Variants in SV2C observed in about 807,000 individuals in gnomAD.
The protein encoded by SV2C is synaptic vesicle glycoprotein 2C.
In SV2C, 49 loss-of-function variants were observed where a neutral mutation model predicts 79.7. That is an observed-to-expected ratio of 0.61 (90% CI 0.49 to 0.78). The LOEUF is 0.78. Among genes scored for constraint, SV2C ranks in the 30% least tolerant of loss-of-function variants. The pLI is 0.00. For synonymous variants in SV2C, 334 were observed against 333.2 expected, an observed-to-expected ratio of 1.00 and a Z score of -0.03; for missense variants, 833 against 912.9, an observed-to-expected ratio of 0.91 and a Z score of 1.13.
chr5:75,896,982 G>A, the SV2C span, among the ~76,000 whole-genome samples: 2 of 144,536 alleles, frequency 1.4e-5, no homozygotes, highest in East Asian at 1.9e-4. Context: ...TTTGTCAGAT[G>A]AGTAGGTTGC....
chr5:75,917,315 G>A, the SV2C span, among the ~76,000 whole-genome samples: 1 of 152,152 alleles, frequency 6.6e-6, no homozygotes, highest in African/African-American at 2.4e-5. Context: ...GGCATGTGTA[G>A]CATTTTTACC....
At chr5:75,885,836 CAAG>C in the SV2C span, among the ~76,000 whole-genome samples, 4 of 152,020 alleles carry the variant, frequency 2.6e-5, no homozygotes, top group African/African-American at 9.7e-5. Context: ...AAGCAGACTC[CAAG>C]AAGGAGATTT....
the SV2C span, among the ~76,000 whole-genome samples, chr5:75,920,377 G>C: frequency 1.3e-5 from 2 of 152,198 alleles, no homozygotes; most frequent in Non-Finnish European, 2.9e-5. Context: ...CTTTAGATGG[G>C]AGTCTTGTCA....
At chr5:75,944,580 A>C in the SV2C span, among the ~76,000 whole-genome samples, 1 of 152,178 alleles carries the variant, frequency 6.6e-6, no homozygotes, top group African/African-American at 2.4e-5. Flanking sequence ...AAATTAAAGT[A>C]AAAACTTGAT....
chr5:76,175,151 C>T (rs1743482994), intron 2 of SV2C, among the ~76,000 whole-genome samples: 1 of 152,176 alleles, frequency 6.6e-6, no homozygotes, highest in South Asian at 2.1e-4. Flanking sequence ...TTCCCCAACC[C>T]CTACGCTGGC....
intron 12 of SV2C, among the ~76,000 whole-genome samples, chr5:76,315,744 G>A (rs1274190608): frequency 6.6e-6 from 1 of 152,206 alleles, no homozygotes; most frequent in Non-Finnish European, 1.5e-5. Flanking sequence ...TCTGTGCTGT[G>A]AGAAGCAGAA....
chr5:76,336,083 G>A (rs1308738954), downstream of SV2C, among the ~76,000 whole-genome samples: 3 of 66,722 alleles, frequency 4.5e-5, no homozygotes, highest in Non-Finnish European at 9.8e-5. Flanking sequence ...GGACGGGGCG[G>A]CTGGCCGGGC....
intron 2 of SV2C, among the ~76,000 whole-genome samples, chr5:76,158,370 AC>A (rs1179067507): frequency 6.6e-6 from 1 of 151,804 alleles, no homozygotes; most frequent in Admixed American, 6.6e-5. Context: ...TACCATGTAA[AC>A]AGCACCCACA....
the SV2C span, among the ~76,000 whole-genome samples, chr5:75,892,772 T>C: frequency 2.6e-5 from 4 of 152,156 alleles, no homozygotes; most frequent in African/African-American, 9.7e-5. Context: ...TTTTATTCTT[T>C]TTATGGGTGC....
At chr5:76,249,759 GTGTGT>G (rs1299852125) in intron 4 of SV2C, among the ~76,000 whole-genome samples, 152 of 152,282 alleles carry the variant, frequency 1.0e-3, no homozygotes, top group Non-Finnish European at 1.7e-3. Context: ...TGGCAGGTAG[GTGTGT>G]GTTGCTGATG....
intron 4 of SV2C, among the ~76,000 whole-genome samples, chr5:76,245,128 T>G (rs1745905010): frequency 6.6e-6 from 1 of 152,366 alleles, no homozygotes; most frequent in South Asian, 2.1e-4. Flanking sequence ...CAGTTTGCCC[T>G]TCTATGTTTC....
At chr5:76,162,565 T>A (rs1742928572) in intron 2 of SV2C, among the ~76,000 whole-genome samples, 1 of 152,214 alleles carries the variant, frequency 6.6e-6, no homozygotes, top group Non-Finnish European at 1.5e-5. Flanking sequence ...GACAGTCTTA[T>A]CACCTCCAAC....
intron 4 of SV2C, among the ~76,000 whole-genome samples, chr5:76,226,042 T>C (rs1745227101): frequency 6.6e-6 from 1 of 152,230 alleles, no homozygotes; most frequent in South Asian, 2.1e-4. Context: ...TTTCAGCTTA[T>C]GAGTTCAACG....
At chr5:76,032,769 G>A in the SV2C span, among the ~76,000 whole-genome samples, 2 of 152,186 alleles carry the variant, frequency 1.3e-5, no homozygotes, top group African/African-American at 2.4e-5. Context: ...ACCCAGTAAT[G>A]GGATGGCTGG....
Position 76,291,859 on chromosome 5 carries a change from A to G in SV2C, c.1337+3A>G. On this transcript the variant is annotated splice_donor_region_variant and intron_variant, in intron 8 of 12. Transcript: ENST00000502798. ...GTTTGGTTCACCCTGTCCTTTGGGT[A>G]AGTGATATTTAAATTCTTGGCAAGC... The G allele has an allele frequency of 6.3e-7, 1 of 1,599,304 alleles. No individual in the cohort carries two copies. The highest frequency in any genetic ancestry group is 8.5e-7 in the Non-Finnish European group (1 of 1,169,622).
intron 9 of SV2C, among the ~76,000 whole-genome samples, chr5:76,297,591 T>C (rs959476524): frequency 2.0e-5 from 3 of 152,204 alleles, no homozygotes; most frequent in African/African-American, 7.2e-5. Flanking sequence ...ATTTAGTCTC[T>C]TTTGGTGCAT....
intron 2 of SV2C, among the ~76,000 whole-genome samples, chr5:76,144,274 GTGAAGC>G (rs67205713): frequency 0.45 from 67,590 of 151,622 alleles, 17,343 homozygotes; most frequent in Non-Finnish European, 0.59. Flanking sequence ...CCTGGAAACA[GTGAAGC>G]TGACAGCTGA....
upstream of SV2C, among the ~76,000 whole-genome samples, chr5:76,080,366 C>T (rs1291886852): frequency 6.6e-6 from 1 of 152,086 alleles, no homozygotes; most frequent in African/African-American, 2.4e-5. Context: ...GCTGTGTGGA[C>T]TTGGTCCAAG....
the SV2C span, among the ~76,000 whole-genome samples, chr5:76,022,994 G>A: frequency 6.6e-6 from 1 of 152,158 alleles, no homozygotes; most frequent in African/African-American, 2.4e-5. Context: ...ATACTTCGTT[G>A]TGGCAGCGGT....
Sources: gnomAD v4.1 joint callset for allele counts (sites outside exome capture counted in the v4.1 genomes callset) on GRCh38, gnomAD v4.1.1 for gene constraint, MANE v1.5 for transcripts, NCBI Gene and HGNC (gene_info 2026-07-23, HGNC 2026-07-21) for gene names.